Variants in ZNF790 observed in about 807,000 individuals in gnomAD.
ZNF790 encodes zinc finger protein 790.
Under a neutral mutation model 12.1 loss-of-function variants are expected in ZNF790, and 8 were observed. That is an observed-to-expected ratio of 0.66 (90% CI 0.39 to 1.19). ZNF790 has a LOEUF of 1.19. Among genes scored for constraint, ZNF790 ranks in the 50% most tolerant of loss-of-function variants. The probability of loss-of-function intolerance (pLI) is 0.01; values close to 1 mark genes in which losing one functional copy is unlikely to be tolerated. For missense variants in ZNF790, 707 were observed against 752.2 expected, an observed-to-expected ratio of 0.94 and a Z score of 0.70; for synonymous variants, 252 against 244.3, an observed-to-expected ratio of 1.03 and a Z score of -0.29.
chr19:36,830,216 G>A (rs565043492), intron 1 of ZNF790, among the ~76,000 whole-genome samples: 6 of 152,206 alleles, frequency 3.9e-5, no homozygotes, highest in Non-Finnish European at 8.8e-5. Context: ...TTCCTAGTTT[G>A]TAGAATGTGT....
Position 36,819,345 on chromosome 19 carries a change from A to G in ZNF790, c.999T>C (p.Thr333=). 1 of 1,612,676 alleles carries G rather than the reference A, an allele frequency of 6.2e-7. No homozygotes were observed. Among genetic ancestry groups the G allele is most frequent in the Non-Finnish European group, 8.5e-7 (1 of 1,179,134 alleles). The change falls in exon 5 of 5, where the codon ACT becomes ACC. Residue 333 remains threonine, a synonymous_variant. Coordinates refer to ENST00000356725, the MANE Select transcript of ZNF790 (RefSeq NM_206894.4). The part of the protein sequence containing the change: ...SHLIKHQRIH[T]GEKPYECKEC... ...CCTTACATTCATAAGGTTTTTCACC[A>G]GTGTGAATTCTCTGATGTTTAATAA... is the stretch of plus-strand genomic sequence containing the variant.
intron 1 of ZNF790, among the ~76,000 whole-genome samples, chr19:36,846,315 T>G (rs983114167): frequency 1.3e-5 from 2 of 151,942 alleles, no homozygotes; most frequent in Non-Finnish European, 1.5e-5. Flanking sequence ...TCCCAGCACT[T>G]TGGGAGGACG....
Position 36,818,982 on chromosome 19 carries a change from T to G in ZNF790, c.1362A>C (p.Glu454Asp), listed in dbSNP as rs2071604033. The G allele has an allele frequency of 6.2e-7, 1 of 1,613,714 alleles. No homozygotes were observed. The highest frequency in any genetic ancestry group is 8.5e-7 in the Non-Finnish European group (1 of 1,179,892). The change falls in exon 5 of 5, where the codon GAA becomes GAC. Residue 454 changes from glutamate to aspartate, a missense_variant. By Grantham distance (45) the Glu-to-Asp change is conservative. Transcript: ENST00000356725. The part of the protein sequence containing the change: ...HNERKSYECK[E>D]CGKTFLHGSE... Reference sequence around the variant, plus strand: ...AGCCATGAAGAAAGGTCTTTCCACATTCCTTACATTCATAGGATTTCCTCT... The same window carrying G: ...AGCCATGAAGAAAGGTCTTTCCACAGTCCTTACATTCATAGGATTTCCTCT...
At chr19:36,837,001 A>G (rs2072060218) in intron 1 of ZNF790, among the ~76,000 whole-genome samples, 2 of 146,906 alleles carry the variant, frequency 1.4e-5, no homozygotes, top group South Asian at 4.4e-4. Context: ...GGGACGGGTA[A>G]GTTTGTTTCT....
At position 36,817,503 on chromosome 19, in the gene ZNF790, A is replaced by T. The variant is rs1188394724; in HGVS notation, c.*930T>A. 6.6e-6 allele frequency: 1 copy of T among 152,112 alleles called. No homozygotes were observed. The allele number at this position is 152,112 out of a possible 1,614,324, so 9.4% of individuals were successfully genotyped here. ...TCAGTAAGACATAAATAGAGATGAC[A>T]TATTTGTCTATAATCATTATAGTCT... On this transcript the variant is annotated 3_prime_UTR_variant, in exon 5 of 5. Transcript: ENST00000356725.
chr19:36,846,256 C>G (rs1389639896), intron 1 of ZNF790, among the ~76,000 whole-genome samples: 2 of 152,150 alleles, frequency 1.3e-5, no homozygotes, highest in African/African-American at 4.8e-5. Flanking sequence ...TAGCACCTGG[C>G]ACAGATAAGG....
chr19:36,834,013 C>T (rs560793302), intron 1 of ZNF790, among the ~76,000 whole-genome samples: 29 of 151,972 alleles, frequency 1.9e-4, no homozygotes, highest in Non-Finnish European at 3.8e-4. Flanking sequence ...AAGGCTGAGG[C>T]GGGTGGATCA....
Position 36,818,625 on chromosome 19 carries a change from G to C in ZNF790, c.1719C>G (p.His573Gln), listed in dbSNP as rs1424914966. 2 of 1,611,078 alleles carry C rather than the reference G, an allele frequency of 1.2e-6. No homozygotes were observed. The highest frequency in any genetic ancestry group is 1.7e-5 in the Admixed American group (1 of 59,420). Residue 573 changes from histidine to glutamine, a missense_variant, in exon 5 of 5, where the codon CAC (histidine) becomes CAG (glutamine). By Grantham distance (24) the His-to-Gln change is conservative. Transcript: ENST00000356725. ...GCKKSSHIFS[H>Q]HSYFTEQKIH... is the part of the protein sequence containing the mutation. ...TTTTTTGTTCAGTAAAATATGAATG[G>C]TGACTAAAGATGTGGCTACTTTTCT...
chr19:36,824,389 C>T (rs1299761827), intron 2 of ZNF790, among the ~76,000 whole-genome samples: 3 of 152,040 alleles, frequency 2.0e-5, no homozygotes, highest in Non-Finnish European at 2.9e-5. Flanking sequence ...TCACTGCAAC[C>T]TCTGCCTCCC....
Position 36,818,732 on chromosome 19 carries a change from C to G in ZNF790, c.1612G>C (p.Glu538Gln). Residue 538 changes from glutamate to glutamine, a missense_variant, in exon 5 of 5, where the codon GAA (glutamate) becomes CAA (glutamine). Glu to Gln is a conservative substitution (Grantham distance 29). Transcript: ENST00000356725. ...CCCCAGATAAAAGATTTCCCACATTCTTTACATACGTAAGGTTCCTCACCA... is the reference window on the plus strand; with the variant it reads ...CCCCAGATAAAAGATTTCCCACATTGTTTACATACGTAAGGTTCCTCACCA... ...HTGEEPYVCK[E>Q]CGKSFIWGSQ... 5.0e-6 allele frequency: 8 copies of G among 1,612,934 alleles called. No individual in the cohort carries two copies. Among genetic ancestry groups the G allele is most frequent in the Non-Finnish European group, 6.8e-6 (8 of 1,179,632 alleles).
At chr19:36,836,526 A>G (rs1454671684) in intron 1 of ZNF790, among the ~76,000 whole-genome samples, 1 of 152,082 alleles carries the variant, frequency 6.6e-6, no homozygotes, top group Non-Finnish European at 1.5e-5. Flanking sequence ...TGGAAGGCCG[A>G]GGCGGGCGGA....
upstream of ZNF790, among the ~76,000 whole-genome samples, chr19:36,843,331 G>A (rs1180363375): frequency 1.3e-5 from 2 of 152,182 alleles, no homozygotes; most frequent in African/African-American, 2.4e-5. Flanking sequence ...GAACTTAGGC[G>A]GAAAGCTTCC....
At chr19:36,826,411 C>T (rs144086663) in intron 1 of ZNF790, among the ~76,000 whole-genome samples, 2,236 of 151,720 alleles carry the variant, frequency 0.015, 46 homozygotes, top group African/African-American at 0.05. Context: ...GGTGAAACCC[C>T]GTCTCTACTA....
upstream of ZNF790, among the ~76,000 whole-genome samples, chr19:36,843,261 G>A (rs1360136951): frequency 4.6e-5 from 7 of 152,202 alleles, no homozygotes; most frequent in Non-Finnish European, 1.0e-4. Flanking sequence ...TCTACATAAG[G>A]CTGGTTTTCT....
At chr19:36,828,069 G>A (rs2071868471) in intron 1 of ZNF790, 1 of 152,164 alleles carries the variant, frequency 6.6e-6, no homozygotes, top group Non-Finnish European at 1.5e-5. Flanking sequence ...TGAAGGGCTG[G>A]AGAATAAATT....
In ZNF790 at chr19:36,818,337, A is replaced by G; in HGVS notation, c.*96T>C. ...GTGCTCTGTTAAAATGCCTTCCAATATTACTTACATTTGTGGTGTTCCTCA... is the reference window on the plus strand; with the variant it reads ...GTGCTCTGTTAAAATGCCTTCCAATGTTACTTACATTTGTGGTGTTCCTCA... On this transcript the variant is annotated 3_prime_UTR_variant, in exon 5 of 5. Coordinates refer to ENST00000356725, the MANE Select transcript of ZNF790 (RefSeq NM_206894.4). 2 of 1,246,448 alleles carry G rather than the reference A, an allele frequency of 1.6e-6. No homozygotes were observed. Among genetic ancestry groups the G allele is most frequent in the Non-Finnish European group, 2.2e-6 (2 of 927,250 alleles). 77.2% of individuals were successfully genotyped at this position (1,246,448 alleles called of 1,614,324 possible).
chr19:36,823,791 CTG>C lies in ZNF790; in HGVS notation c.10-3_10-2del. Reference sequence around the variant, plus strand: ...CAGCCACATCCCTGAACATCATCAACTGTTGGAAAGAATAATTCCAAGTATTA... The same window carrying C: ...CAGCCACATCCCTGAACATCATCAACTTGGAAAGAATAATTCCAAGTATTA... On this transcript the variant is annotated splice_acceptor_variant and splice_polypyrimidine_tract_variant and intron_variant, in intron 2 of 4. Coordinates refer to ENST00000356725, the MANE Select transcript of ZNF790 (RefSeq NM_206894.4). LOFTEE classifies it high-confidence loss of function. 1 of 1,598,750 alleles carries C rather than the reference CTG, an allele frequency of 6.3e-7. No individual in the cohort carries two copies. Among genetic ancestry groups the C allele is most frequent in the Non-Finnish European group, 8.5e-7 (1 of 1,175,892 alleles).
chr19:36,846,506 G>A (rs2072182313), intron 1 of ZNF790, among the ~76,000 whole-genome samples: 1 of 152,134 alleles, frequency 6.6e-6, no homozygotes, highest in South Asian at 2.1e-4. Context: ...GGAGGTTGCA[G>A]TGAGCCGAGA....
upstream of ZNF790, among the ~76,000 whole-genome samples, chr19:36,839,104 GT>G (rs1431942643): frequency 6.6e-6 from 1 of 152,182 alleles, no homozygotes; most frequent in Non-Finnish European, 1.5e-5. Context: ...CATTAGTACT[GT>G]TTTGTAAATT....
Sources: gnomAD v4.1 joint callset for allele counts (sites outside exome capture counted in the v4.1 genomes callset) on GRCh38, gnomAD v4.1.1 for gene constraint, MANE v1.5 for transcripts, NCBI Gene and HGNC (gene_info 2026-07-23, HGNC 2026-07-21) for gene names.